SLC6A6: variants seen among roughly 807,000 people sequenced by gnomAD.
SLC6A6 encodes the protein sodium- and chloride-dependent taurine transporter.
Under a neutral mutation model 68.8 loss-of-function variants are expected in SLC6A6, and 16 were observed. That is an observed-to-expected ratio of 0.23 (90% CI 0.16 to 0.35). The LOEUF is 0.35. Ranked by LOEUF, SLC6A6 falls within the 10% of genes least tolerant of loss-of-function variation. The probability of loss-of-function intolerance (pLI) is 1.00; values close to 1 mark genes in which losing one functional copy is unlikely to be tolerated. For synonymous variants in SLC6A6, 312 were observed against 315.4 expected (o/e 0.99, Z 0.12); for missense variants, 474 against 802.8 (o/e 0.59, Z 4.95).
intron 10 of SLC6A6, among the ~76,000 whole-genome samples, chr3:14,473,909 C>T (rs1424422750): frequency 2.6e-5 from 4 of 152,200 alleles, no homozygotes; most frequent in Non-Finnish European, 4.4e-5. Flanking sequence ...GCTTTGGAAA[C>T]GGCTCCCTGA....
chr3:14,485,210 G>C lies in SLC6A6; in HGVS notation c.*203G>C. ...GTGTGTGTTTTGTTTTGATTTGGGG[G>C]ATATTTTGTACAAAAAGAAAACCCA... On this transcript the variant is annotated 3_prime_UTR_variant, in exon 15 of 15. Coordinates refer to ENST00000622186, the MANE Select transcript of SLC6A6 (RefSeq NM_003043.6). 2.4e-6 allele frequency: 1 copy of C among 410,310 alleles called. No individual in the cohort carries two copies. The highest frequency in any genetic ancestry group is 4.3e-6 in the Non-Finnish European group (1 of 233,372). The allele number at this position is 410,310 out of a possible 1,614,324, so 25.4% of individuals were successfully genotyped here.
intron 11 of SLC6A6, among the ~76,000 whole-genome samples, chr3:14,478,163 C>T (rs1172458086): frequency 6.6e-6 from 1 of 152,190 alleles, no homozygotes; most frequent in African/African-American, 2.4e-5. Flanking sequence ...TAGGGCCACT[C>T]ACTGAGCAGC....
At chr3:14,432,658 A>C (rs1471395448) in intron 2 of SLC6A6, 1 of 152,528 alleles carries the variant, frequency 6.6e-6, no homozygotes, top group Non-Finnish European at 1.5e-5. Context: ...CCAAAACCCC[A>C]GCCTTAAGAG....
chr3:14,438,516 T>G lies in SLC6A6; in HGVS notation c.-11-5108T>G, dbSNP rs1393694470. On this transcript the variant is annotated intron_variant, in intron 2 of 14. Coordinates refer to ENST00000622186, the MANE Select transcript of SLC6A6 (RefSeq NM_003043.6). ...CAGGCACTTGATTCCACAGCAAGCC[T>G]AGTGGGCAGGGAGTTGTTTAGGCCT... Among the ~76,000 whole-genome samples the G allele has an allele frequency of 3.3e-5, 5 of 152,286 alleles. No homozygotes were observed. In the East Asian group the frequency reaches 9.7e-4, roughly 29 times the overall value.
At chr3:14,442,825 T>C (rs1014777263) in intron 2 of SLC6A6, among the ~76,000 whole-genome samples, 2 of 152,180 alleles carry the variant, frequency 1.3e-5, no homozygotes, top group African/African-American at 4.8e-5. Context: ...ACCTGGCTTA[T>C]AGGATCTACA....
At chr3:14,418,062 C>T (rs902128676) in intron 2 of SLC6A6, among the ~76,000 whole-genome samples, 3 of 152,180 alleles carry the variant, frequency 2.0e-5, no homozygotes, top group African/African-American at 4.8e-5. Context: ...CAAACACACA[C>T]GTCAAACTCA....
rs562606191 is a variant in SLC6A6 at position 14,413,321 on chromosome 3, G to A, written c.-53-3091G>A. ...GATGGGACCACAGGAGCTGGGACCT[G>A]CTGCTTCCGTTGTTTAAAGGCTGGT... On this transcript the variant is annotated intron_variant, in intron 1 of 14. Coordinates refer to ENST00000622186, the MANE Select transcript of SLC6A6 (RefSeq NM_003043.6). Among the ~76,000 whole-genome samples, 59 of 152,350 alleles carry A rather than the reference G, an allele frequency of 3.9e-4. 1 individual carries two copies. Among genetic ancestry groups the A allele is most frequent in the Non-Finnish European group, 6.8e-4 (46 of 68,038 alleles).
At chr3:14,435,894 G>A (rs886568120) in intron 2 of SLC6A6, among the ~76,000 whole-genome samples, 1 of 152,238 alleles carries the variant, frequency 6.6e-6, no homozygotes, top group Non-Finnish European at 1.5e-5. Context: ...AGAGCTGCCT[G>A]TGAGAGTCCA....
At chr3:14,475,533 G>T (rs1044049004) in intron 10 of SLC6A6, among the ~76,000 whole-genome samples, 1 of 152,222 alleles carries the variant, frequency 6.6e-6, no homozygotes. Flanking sequence ...GGCAAGTGAG[G>T]CTCGGAGAAG....
At chr3:14,429,034 G>T (rs1367047191) in intron 2 of SLC6A6, among the ~76,000 whole-genome samples, 2 of 152,046 alleles carry the variant, frequency 1.3e-5, no homozygotes, top group Non-Finnish European at 1.5e-5. Flanking sequence ...TTTTCCCTCT[G>T]CACCCCCCTA....
chr3:14,416,495 C>T (rs1305996127), intron 2 of SLC6A6, 42 bp downstream of exon 2: 1 of 398,652 alleles, frequency 2.5e-6, no homozygotes, highest in Non-Finnish European at 4.4e-6. Flanking sequence ...GTGTCTCACA[C>T]GTTGTGCAGT....
intron 10 of SLC6A6, among the ~76,000 whole-genome samples, chr3:14,476,989 G>A (rs568089270): frequency 3.9e-5 from 6 of 152,342 alleles, no homozygotes; most frequent in South Asian, 4.1e-4. Flanking sequence ...CGAATGTTGC[G>A]TTGTCTGGCT....
Position 14,420,489 on chromosome 3 carries a change from C to CTTTT in SLC6A6, c.-12+4052_-12+4055dup, listed in dbSNP as rs763732632. Among the ~76,000 whole-genome samples, 761 of 128,072 alleles carry CTTTT rather than the reference C, an allele frequency of 5.9e-3. 25 individuals are homozygous for CTTTT. The highest frequency in any genetic ancestry group is 0.022 in the African/African-American group (698 of 32,010). The allele number at this position is 128,072 out of a possible 152,430, so 84.0% of individuals were successfully genotyped here. A position where few individuals can be genotyped will look rare whatever the true frequency, so the allele number is the denominator to read the frequency against. ...ACAGTTTCTCTTGTAAACCACTCTG[C>CTTTT]TTTTTTTTTTTTTTTTTTTGAGACA... On this transcript the variant is annotated intron_variant, in intron 2 of 14. Transcript: ENST00000622186.
chr3:14,481,726 A>T lies in SLC6A6; in HGVS notation c.1607A>T (p.Tyr536Phe). The change falls in exon 14 of 15, where the codon TAC (tyrosine) becomes TTC (phenylalanine). Residue 536 changes from tyrosine (Y) to phenylalanine (F), a missense_variant. Coordinates refer to ENST00000622186, the MANE Select transcript of SLC6A6 (RefSeq NM_003043.6). This position sits in a 1 kb window ranked among gnomAD's most constrained non-coding sequence, Gnocchi z 4.7. ...KYVPLTYNKTYVYPNWAIGLG... is the reference protein window; with the variant it reads ...KYVPLTYNKTFVYPNWAIGLG... ...GTACCCCTGACCTACAACAAAACAT[A>T]CGTGTACCCCAACTGGGCCATTGGG... The T allele has an allele frequency of 6.2e-7, 1 of 1,613,600 alleles. No homozygotes were observed. The highest frequency in any genetic ancestry group is 8.5e-7 in the Non-Finnish European group (1 of 1,179,728).
intron 1 of SLC6A6, among the ~76,000 whole-genome samples, chr3:14,411,648 A>G (rs1699254666): frequency 1.3e-5 from 2 of 152,224 alleles, no homozygotes; most frequent in Non-Finnish European, 2.9e-5. Flanking sequence ...TGTGGCACAC[A>G]GTTGTTGCTC....
intron 2 of SLC6A6, among the ~76,000 whole-genome samples, chr3:14,441,453 G>T (rs1411118681): frequency 6.6e-6 from 1 of 152,188 alleles, no homozygotes; most frequent in Admixed American, 6.5e-5. Flanking sequence ...GAGCAGGGCA[G>T]AGAAAGGCGG....
Position 14,425,043 on chromosome 3 carries a change from A to G in SLC6A6, c.-12+8590A>G, listed in dbSNP as rs73815264. On this transcript the variant is annotated intron_variant, in intron 2 of 14. Coordinates refer to ENST00000622186, the MANE Select transcript of SLC6A6 (RefSeq NM_003043.6). Reference sequence around the variant, plus strand: ...CTGGATGCTAAGAAGGGGCGGAGTCAAGGTCAAGTGTTGGTTGAACGAAGG... The same window carrying G: ...CTGGATGCTAAGAAGGGGCGGAGTCGAGGTCAAGTGTTGGTTGAACGAAGG... Among the ~76,000 whole-genome samples, 1,241 of 152,316 alleles carry G rather than the reference A, an allele frequency of 8.1e-3. 11 individuals carry two copies. The highest frequency in any genetic ancestry group is 0.027 in the African/African-American group (1,132 of 41,570).
rs12638841 is a variant in SLC6A6, at chr3:14,448,898, G to A, written c.599+1082G>A. Among the ~76,000 whole-genome samples, 37 of 152,360 alleles carry A rather than the reference G, an allele frequency of 2.4e-4. No homozygotes were observed. The East Asian group carries it at 6.0e-3, about 25-fold the overall frequency. On this transcript the variant is annotated intron_variant, in intron 5 of 14. Transcript: ENST00000622186. ...GCCAGCCTTGGGGCTCAGCACTCAA[G>A]TGCAGCCCCTTGACCCTGGAAATAA...
At chr3:14,458,183 G>C in intron 6 of SLC6A6, 101 bp downstream of exon 6, 3 of 1,031,804 alleles carry the variant, frequency 2.9e-6, no homozygotes, top group Non-Finnish European at 4.6e-6. Flanking sequence ...CCAAGAGGGA[G>C]GTGGCCAGTG....
Sources: gnomAD v4.1 joint callset for allele counts (sites outside exome capture counted in the v4.1 genomes callset) on GRCh38, gnomAD v4.1.1 for gene constraint, Gnocchi (gnomAD v3.1) non-coding constraint, MANE v1.5 for transcripts, NCBI Gene and HGNC (gene_info 2026-07-23, HGNC 2026-07-21) for gene names.